The following PTPRD variants were observed in gnomAD, a reference collection of about 807,000 sequenced individuals.
PTPRD encodes protein tyrosine phosphatase receptor type D.
In PTPRD, 34 loss-of-function variants were observed where a neutral mutation model predicts 214.5. The observed-to-expected ratio is 0.16, with a 90% CI of 0.12 to 0.21. The LOEUF (loss-of-function observed/expected upper bound fraction) is 0.21. PTPRD is among the 10% of genes least tolerant of loss of function. The probability of loss-of-function intolerance (pLI) is 1.00; values close to 1 mark genes in which losing one functional copy is unlikely to be tolerated. For synonymous variants in PTPRD, 1,128 were observed against 845.7 expected, an observed-to-expected ratio of 1.33 and a Z score of -5.79; for missense variants, 2,545 against 2,398.7, an observed-to-expected ratio of 1.06 and a Z score of -1.27.
intron 3 of PTPRD, among the ~76,000 whole-genome samples, chr9:10,338,770 C>T (rs932515840): frequency 6.6e-6 from 1 of 151,380 alleles, no homozygotes; most frequent in African/African-American, 2.4e-5. Context: ...AGAGAGATAG[C>T]CCATGTTTGG....
At chr9:9,825,297 T>G (rs1437877884) in intron 5 of PTPRD, among the ~76,000 whole-genome samples, 1 of 149,756 alleles carries the variant, frequency 6.7e-6, no homozygotes, top group Non-Finnish European at 1.5e-5. Flanking sequence ...AAATATACAT[T>G]GGCAGGTAGG....
intron 43 of PTPRD, among the ~76,000 whole-genome samples, chr9:8,333,402 C>CTGTT (rs1587883314): frequency 6.6e-6 from 1 of 151,972 alleles, no homozygotes; most frequent in East Asian, 1.9e-4. Context: ...TAAAGGTTAC[C>CTGTT]TGTTTAACAA....
intron 11 of PTPRD, among the ~76,000 whole-genome samples, chr9:8,989,812 A>G (rs977208660): frequency 6.6e-6 from 1 of 152,294 alleles, no homozygotes; most frequent in South Asian, 2.1e-4. Flanking sequence ...TAAGAGGCAC[A>G]GTGCCAGAAA....
intron 9 of PTPRD, among the ~76,000 whole-genome samples, chr9:9,241,596 C>T (rs866249890): frequency 2.6e-4 from 40 of 151,904 alleles, no homozygotes; most frequent in Middle Eastern, 6.8e-3. Flanking sequence ...AAAAAATGTC[C>T]CTTTGTCTTC....
At chr9:9,991,047 G>T (rs1185967324) in intron 4 of PTPRD, among the ~76,000 whole-genome samples, 1 of 151,410 alleles carries the variant, frequency 6.6e-6, no homozygotes, top group Non-Finnish European at 1.5e-5. Context: ...CAATTCTCCG[G>T]CCTCAGCCTC....
chr9:8,426,930 CTA>C (rs1484228844), intron 35 of PTPRD, among the ~76,000 whole-genome samples: 2 of 151,824 alleles, frequency 1.3e-5, no homozygotes, highest in African/African-American at 4.8e-5. Flanking sequence ...GAAAAAAAGA[CTA>C]TAAGCGCATA....
intron 11 of PTPRD, among the ~76,000 whole-genome samples, chr9:8,816,685 T>C (rs1163125862): frequency 1.3e-5 from 2 of 152,196 alleles, no homozygotes; most frequent in East Asian, 3.9e-4. Flanking sequence ...GGAAGAAAGG[T>C]ACAAATCCTT....
chr9:10,395,198 C>T (rs1451337191), intron 2 of PTPRD, among the ~76,000 whole-genome samples: 1 of 150,000 alleles, frequency 6.7e-6, no homozygotes, highest in East Asian at 2.0e-4. Flanking sequence ...GTGTGCTGCA[C>T]CCATTAACTT....
At chr9:9,506,685 G>A (rs2096578839) in intron 8 of PTPRD, among the ~76,000 whole-genome samples, 1 of 151,362 alleles carries the variant, frequency 6.6e-6, no homozygotes, top group Admixed American at 6.6e-5. Context: ...AACCTAGATA[G>A]AAGTTGAGGA....
At chr9:8,516,242 C>T (rs939316075) in intron 21 of PTPRD, among the ~76,000 whole-genome samples, 16 of 152,102 alleles carry the variant, frequency 1.1e-4, no homozygotes, top group African/African-American at 3.6e-4. Flanking sequence ...GAACAGCCTA[C>T]AGTATTTTTT....
intron 5 of PTPRD, among the ~76,000 whole-genome samples, chr9:9,810,724 C>T (rs1040283431): frequency 3.3e-5 from 5 of 151,912 alleles, no homozygotes; most frequent in African/African-American, 1.2e-4. Context: ...TGCCTGCTAA[C>T]ACAATATCCA....
In PTPRD at chr9:8,795,490, C is replaced by G. The variant is rs2096386855; in HGVS notation, c.-103-61544G>C. On this transcript the variant is annotated intron_variant, in intron 11 of 45. Coordinates refer to ENST00000381196, the MANE Select transcript of PTPRD (RefSeq NM_002839.4). The stretch of plus-strand genomic sequence containing the variant: ...GCCAATGAAAAAATTAAATAGCCTA[C>G]TTAGGAATTACACAAAAGAAAGTAT... Among the ~76,000 whole-genome samples the G allele has an allele frequency of 2.6e-5, 4 of 152,248 alleles. No homozygotes were observed. The South Asian group carries it at 8.3e-4, about 32-fold the overall frequency.
At chr9:8,510,989 A>C (rs1320771225) in intron 21 of PTPRD, among the ~76,000 whole-genome samples, 3 of 151,940 alleles carry the variant, frequency 2.0e-5, no homozygotes, top group Non-Finnish European at 4.4e-5. Context: ...TCCATTTCAC[A>C]TTTCTATTAA....
chr9:8,401,217 T>G (rs10977048), intron 36 of PTPRD, among the ~76,000 whole-genome samples: 18,788 of 151,302 alleles, frequency 0.12, 2,103 homozygotes, highest in East Asian at 0.52. Flanking sequence ...CAAGCTGGAG[T>G]GCAGTGGGAC....
At chr9:8,963,431 T>C (rs959741068) in intron 11 of PTPRD, among the ~76,000 whole-genome samples, 1 of 152,160 alleles carries the variant, frequency 6.6e-6, no homozygotes, top group African/African-American at 2.4e-5. Context: ...TTTGTATGTG[T>C]TATATTTCAC....
chr9:10,215,206 G>A (rs912388022), intron 3 of PTPRD, among the ~76,000 whole-genome samples: 1 of 151,276 alleles, frequency 6.6e-6, no homozygotes, highest in Non-Finnish European at 1.5e-5. Flanking sequence ...AAAACATTAA[G>A]GAGTCAGACC....
At chr9:9,862,619 G>A (rs1013798898) in intron 5 of PTPRD, among the ~76,000 whole-genome samples, 7 of 151,542 alleles carry the variant, frequency 4.6e-5, no homozygotes, top group African/African-American at 1.7e-4. Flanking sequence ...ATACTACTCA[G>A]AGGAGAAATG....
rs575164816 is a variant in PTPRD at position 8,894,885 on chromosome 9, C to G, written c.-104+123812G>C. On this transcript the variant is annotated intron_variant, in intron 11 of 45. Coordinates refer to ENST00000381196, the MANE Select transcript of PTPRD (RefSeq NM_002839.4). ...TAAGAATTACAAATAGTAGATGGCA[C>G]CAATCAACAGAGAGAGAGACAACAC... 2.6e-5 allele frequency among the ~76,000 whole-genome samples: 4 copies of G among 152,140 alleles called. No individual in the cohort carries two copies. The South Asian group carries it at 8.3e-4, about 32-fold the overall frequency.
chr9:10,107,944 A>G (rs928824302), intron 3 of PTPRD, among the ~76,000 whole-genome samples: 21 of 152,138 alleles, frequency 1.4e-4, no homozygotes, highest in African/African-American at 5.1e-4. Flanking sequence ...TTAGTGTAAA[A>G]GTCATTGGTT....
Sources: allele counts gnomAD v4.1 joint callset (sites outside exome capture counted in the v4.1 genomes callset), GRCh38; gene constraint gnomAD v4.1.1; transcripts MANE v1.5; gene names NCBI Gene and HGNC (gene_info 2026-07-23, HGNC 2026-07-21).